PCDH15: variants seen among roughly 807,000 people sequenced by gnomAD.
PCDH15 encodes protocadherin-15.
A neutral mutation model predicts 178.5 loss-of-function variants in PCDH15; 129 were observed. That is an observed-to-expected ratio of 0.72 (90% CI 0.63 to 0.84). PCDH15 has a LOEUF of 0.84. Among genes scored for constraint, PCDH15 ranks in the 40% least tolerant of loss-of-function variants. The probability of loss-of-function intolerance (pLI) is 0.00; values close to 1 mark genes in which losing one functional copy is unlikely to be tolerated. For synonymous variants in PCDH15, 800 were observed against 732.0 expected (o/e 1.09, Z -1.50); for missense variants, 2,230 against 2,099.9 (o/e 1.06, Z -1.21).
chr10:55,615,734 C>T (rs1250389396), intron 2 of PCDH15, among the ~76,000 whole-genome samples: 5 of 151,938 alleles, frequency 3.3e-5, no homozygotes, highest in Non-Finnish European at 7.4e-5. Flanking sequence ...ATAAAAAATG[C>T]CAGTCATAGT....
chr10:54,180,885 A>G (rs1212173874), intron 13 of PCDH15, among the ~76,000 whole-genome samples: 1 of 152,200 alleles, frequency 6.6e-6, no homozygotes, highest in Non-Finnish European at 1.5e-5. Flanking sequence ...GAAAATATAT[A>G]AAAGTCTTGA....
chr10:55,270,984 C>T (rs79722931), intron 1 of PCDH15, among the ~76,000 whole-genome samples: 2,319 of 152,156 alleles, frequency 0.015, 67 homozygotes, highest in African/African-American at 0.051. Flanking sequence ...ATGTGCTTCA[C>T]GGTGATATGG....
At chr10:55,240,293 G>A (rs963057992) in intron 1 of PCDH15, among the ~76,000 whole-genome samples, 1 of 152,078 alleles carries the variant, frequency 6.6e-6, no homozygotes, top group Non-Finnish European at 1.5e-5. Flanking sequence ...AGTATGACAT[G>A]TCTATACTCT....
At chr10:55,103,528 C>T (rs1255954650) in intron 2 of PCDH15, among the ~76,000 whole-genome samples, 2 of 152,138 alleles carry the variant, frequency 1.3e-5, no homozygotes, top group African/African-American at 4.8e-5. Context: ...CCTGTGAAGT[C>T]ATGTATAACA....
intron 2 of PCDH15, among the ~76,000 whole-genome samples, chr10:55,510,821 T>C (rs1018494981): frequency 6.7e-6 from 1 of 149,432 alleles, no homozygotes; most frequent in African/African-American, 2.4e-5. Flanking sequence ...ATTTATTTTA[T>C]ATATATACAT....
chr10:55,590,664 A>G (rs1842826342), intron 2 of PCDH15, among the ~76,000 whole-genome samples: 1 of 152,144 alleles, frequency 6.6e-6, no homozygotes, highest in Admixed American at 6.5e-5. Context: ...AATATTACAA[A>G]GGAATTCAGA....
intron 8 of PCDH15, among the ~76,000 whole-genome samples, chr10:54,305,535 C>T (rs1410299757): frequency 6.6e-6 from 1 of 151,876 alleles, no homozygotes; most frequent in Non-Finnish European, 1.5e-5. Flanking sequence ...ATATTTGAGC[C>T]ATCATCCTAA....
chr10:54,331,361 C>A (rs1939522320), intron 6 of PCDH15, among the ~76,000 whole-genome samples: 2 of 151,890 alleles, frequency 1.3e-5, no homozygotes, highest in East Asian at 3.9e-4. Context: ...TTAAATGATT[C>A]ATTCTGTGCT....
At chr10:54,271,521 T>C (rs577361826) in intron 8 of PCDH15, among the ~76,000 whole-genome samples, 1 of 152,262 alleles carries the variant, frequency 6.6e-6, no homozygotes, top group African/African-American at 2.4e-5. Flanking sequence ...CCAATATTCT[T>C]ACATTTAAAG....
In PCDH15 at chr10:54,594,775, C is replaced by T. The variant is rs547664358; in HGVS notation, c.92-66898G>A. ...TTGCTGGCTTGAGTGTGCCCCATCCCTTCTCCCCCTGTTGCACTGCCATTT... is the reference window on the plus strand; with the variant it reads ...TTGCTGGCTTGAGTGTGCCCCATCCTTTCTCCCCCTGTTGCACTGCCATTT... On this transcript the variant is annotated intron_variant, in intron 2 of 37. Coordinates refer to ENST00000644397, the MANE Select transcript of PCDH15 (RefSeq NM_001384140.1). 6.6e-4 allele frequency among the ~76,000 whole-genome samples: 100 copies of T among 152,304 alleles called. 1 individual carries two copies. Among genetic ancestry groups the T allele is most frequent in the Admixed American group, 6.4e-3 (98 of 15,302 alleles).
intron 25 of PCDH15, among the ~76,000 whole-genome samples, chr10:53,914,031 C>A (rs549242945): frequency 6.6e-6 from 1 of 152,276 alleles, no homozygotes; most frequent in East Asian, 1.9e-4. Context: ...CATCACTGGT[C>A]ATCAGAGAAA....
intron 5 of PCDH15, among the ~76,000 whole-genome samples, chr10:54,363,413 T>A (rs1946345302): frequency 6.6e-6 from 1 of 152,148 alleles, no homozygotes; most frequent in Non-Finnish European, 1.5e-5. Flanking sequence ...TACTACCATT[T>A]TCGTTTTCAG....
chr10:55,601,843 C>A (rs544110407), intron 2 of PCDH15, among the ~76,000 whole-genome samples: 3 of 152,128 alleles, frequency 2.0e-5, no homozygotes, highest in East Asian at 3.9e-4. Context: ...AGATGACAAA[C>A]TGAATAATTA....
chr10:54,137,406 C>T (rs900489014), intron 14 of PCDH15, among the ~76,000 whole-genome samples: 48 of 152,030 alleles, frequency 3.2e-4, no homozygotes, highest in Non-Finnish European at 5.6e-4. Context: ...TGAAACCTAC[C>T]CAATAGTTCC....
intron 1 of PCDH15, among the ~76,000 whole-genome samples, chr10:55,238,815 T>C (rs1308886460): frequency 6.6e-6 from 1 of 152,122 alleles, no homozygotes; most frequent in Non-Finnish European, 1.5e-5. Context: ...ATGACCAAAT[T>C]AAGGTAACTG....
At chr10:54,820,588 G>A (rs897289297) in intron 3 of PCDH15, among the ~76,000 whole-genome samples, 1 of 151,950 alleles carries the variant, frequency 6.6e-6, no homozygotes, top group Non-Finnish European at 1.5e-5. Context: ...ATTTTTAAAG[G>A]AAACTATCAT....
intron 2 of PCDH15, among the ~76,000 whole-genome samples, chr10:54,930,911 T>G (rs539702709): frequency 6.6e-6 from 1 of 152,278 alleles, no homozygotes; most frequent in Admixed American, 6.5e-5. Flanking sequence ...AACAAAACAT[T>G]TGGGCAATTT....
At chr10:55,069,235 T>G (rs1841653034) in intron 2 of PCDH15, among the ~76,000 whole-genome samples, 1 of 123,782 alleles carries the variant, frequency 8.1e-6, no homozygotes. Context: ...TAGATTTGGT[T>G]TGCTGGTATT....
intron 26 of PCDH15, among the ~76,000 whole-genome samples, chr10:53,886,788 CT>C (rs2081133977): frequency 6.6e-6 from 1 of 152,048 alleles, no homozygotes; most frequent in Non-Finnish European, 1.5e-5. Flanking sequence ...AGCTCACTGC[CT>C]TCTGGGTCTG....
Sources: allele counts gnomAD v4.1 joint callset (sites outside exome capture counted in the v4.1 genomes callset), GRCh38; gene constraint gnomAD v4.1.1; transcripts MANE v1.5; gene names NCBI Gene and HGNC (gene_info 2026-07-23, HGNC 2026-07-21).